The following RBFOX1 variants were observed in gnomAD, a reference collection of about 807,000 sequenced individuals.
The protein encoded by RBFOX1 is RNA binding protein fox-1 homolog 1.
In RBFOX1, 8 loss-of-function variants were observed where a neutral mutation model predicts 57.7. The ratio of observed to expected loss-of-function variants is 0.14; its 90% CI spans 0.08 to 0.25. The LOEUF (loss-of-function observed/expected upper bound fraction) is 0.25. RBFOX1 is among the 10% of genes least tolerant of loss of function. RBFOX1 has a pLI of 1.00. For missense variants in RBFOX1, 611 were observed against 548.5 expected, an observed-to-expected ratio of 1.11 and a Z score of -1.14; for synonymous variants, 326 against 222.4, an observed-to-expected ratio of 1.47 and a Z score of -4.15.
At chr16:6,470,189 G>C (rs1357836390) in intron 2 of RBFOX1, among the ~76,000 whole-genome samples, 1 of 152,208 alleles carries the variant, frequency 6.6e-6, no homozygotes, top group African/African-American at 2.4e-5. Context: ...AGGGCTGGCT[G>C]TTTGTCTTAG....
At chr16:5,738,771 A>T (rs1226692003) in intron 3 of RBFOX1, among the ~76,000 whole-genome samples, 4 of 152,128 alleles carry the variant, frequency 2.6e-5, no homozygotes, top group African/African-American at 9.7e-5. Flanking sequence ...GTGAATCAGG[A>T]AGTATTTATG....
intron 3 of RBFOX1, among the ~76,000 whole-genome samples, chr16:5,702,380 C>G (rs1015000300): frequency 2.6e-5 from 4 of 152,160 alleles, no homozygotes; most frequent in Non-Finnish European, 5.9e-5. Flanking sequence ...GGGAGAAATT[C>G]ACCCCCATGA....
intron 3 of RBFOX1, chr16:5,838,241 C>G (rs2056522872): frequency 4.6e-6 from 1 of 215,438 alleles, no homozygotes; most frequent in East Asian, 1.5e-4. Context: ...GGTGTCTGAT[C>G]TTGCCACGTG....
At chr16:6,566,197 T>C (rs77828573) in intron 2 of RBFOX1, among the ~76,000 whole-genome samples, 2,282 of 152,304 alleles carry the variant, frequency 0.015, 60 homozygotes, top group African/African-American at 0.05. Context: ...CTCCGTTGTT[T>C]TGAAGGAGAA....
chr16:5,491,330 A>T (rs556994388), intron 2 of RBFOX1, among the ~76,000 whole-genome samples: 2 of 152,084 alleles, frequency 1.3e-5, no homozygotes, highest in Admixed American at 6.5e-5. Context: ...GCGCCACCTG[A>T]CTATTATCGC....
At chr16:7,388,777 G>A (rs372000834) in intron 4 of RBFOX1, among the ~76,000 whole-genome samples, 2 of 149,446 alleles carry the variant, frequency 1.3e-5, no homozygotes, top group South Asian at 4.3e-4. Context: ...TGTGTTAGAT[G>A]AGTTTGTCCA....
chr16:6,177,061 G>GT (rs1263954497), intron 1 of RBFOX1, among the ~76,000 whole-genome samples: 2 of 152,040 alleles, frequency 1.3e-5, no homozygotes, highest in East Asian at 3.9e-4. Flanking sequence ...TGAAAACAAC[G>GT]TAATAGTCAT....
At chr16:7,255,359 T>C (rs2094635934) in intron 4 of RBFOX1, among the ~76,000 whole-genome samples, 1 of 152,206 alleles carries the variant, frequency 6.6e-6, no homozygotes, top group Non-Finnish European at 1.5e-5. Flanking sequence ...TGCAGAGTTG[T>C]AATAATAGTG....
chr16:7,225,858 C>G (rs751591480), intron 4 of RBFOX1, among the ~76,000 whole-genome samples: 3 of 143,324 alleles, frequency 2.1e-5, no homozygotes, highest in Non-Finnish European at 4.5e-5. Context: ...ACATATGTAA[C>G]AAACCTGCAT....
At chr16:6,872,362 T>C (rs1034712642) in intron 3 of RBFOX1, among the ~76,000 whole-genome samples, 1 of 152,192 alleles carries the variant, frequency 6.6e-6, no homozygotes, top group Non-Finnish European at 1.5e-5. Flanking sequence ...TTTTTCTCTT[T>C]CTCGTAGTAA....
chr16:5,938,574 TCC>T (rs1462941550), intron 4 of RBFOX1, among the ~76,000 whole-genome samples: 5 of 152,190 alleles, frequency 3.3e-5, no homozygotes, highest in Non-Finnish European at 5.9e-5. Flanking sequence ...GGGGTCTGCT[TCC>T]CACATCCTTG....
chr16:6,552,277 A>C (rs2097005539), intron 2 of RBFOX1, among the ~76,000 whole-genome samples: 1 of 152,190 alleles, frequency 6.6e-6, no homozygotes, highest in Non-Finnish European at 1.5e-5. Flanking sequence ...CCTTTTCTTT[A>C]AAAGGAAAGA....
intron 1 of RBFOX1, among the ~76,000 whole-genome samples, chr16:5,282,414 A>G (rs2063295330): frequency 6.6e-6 from 1 of 152,250 alleles, no homozygotes; most frequent in Non-Finnish European, 1.5e-5. Context: ...GAACTGGGAA[A>G]CAGGCAGAGG....
At chr16:7,659,501 A>G (rs1051678122) in intron 12 of RBFOX1, among the ~76,000 whole-genome samples, 4 of 152,224 alleles carry the variant, frequency 2.6e-5, no homozygotes, top group African/African-American at 7.2e-5. Flanking sequence ...GGGGCGTCCA[A>G]TCTTTTGGTT....
At chr16:7,150,286 G>A (rs1209639495) in intron 4 of RBFOX1, among the ~76,000 whole-genome samples, 1 of 152,194 alleles carries the variant, frequency 6.6e-6, no homozygotes, top group East Asian at 1.9e-4. Flanking sequence ...CCTTGGCTGT[G>A]TCTCTTAATT....
At chr16:7,300,240 A>G (rs2096000084) in intron 4 of RBFOX1, among the ~76,000 whole-genome samples, 1 of 151,694 alleles carries the variant, frequency 6.6e-6, no homozygotes, top group South Asian at 2.1e-4. Flanking sequence ...ACTAGAATGT[A>G]AACTGTCTAA....
chr16:6,420,673 A>T (rs2093747367), intron 2 of RBFOX1, among the ~76,000 whole-genome samples: 1 of 152,178 alleles, frequency 6.6e-6, no homozygotes. Context: ...TGCTCATATG[A>T]AAGTTCCCAG....
chr16:6,154,083 T>G (rs2096821974), intron 1 of RBFOX1, among the ~76,000 whole-genome samples: 1 of 152,202 alleles, frequency 6.6e-6, no homozygotes, highest in Non-Finnish European at 1.5e-5. Context: ...GCCTGGTGAT[T>G]CACACAGGAA....
chr16:6,447,857 G>C (rs7186866), intron 2 of RBFOX1, among the ~76,000 whole-genome samples: 2,548 of 152,222 alleles, frequency 0.017, 63 homozygotes, highest in African/African-American at 0.057. Context: ...AAAGACAGCC[G>C]TCCAATCGGA....
Sources: allele counts gnomAD v4.1 joint callset (sites outside exome capture counted in the v4.1 genomes callset), GRCh38; gene constraint gnomAD v4.1.1; transcripts MANE v1.5; gene names NCBI Gene and HGNC (gene_info 2026-07-23, HGNC 2026-07-21).